Variants in HLA-E observed in about 807,000 individuals in gnomAD.
HLA-E encodes major histocompatibility complex, class I, E.
HLA-E carries 25 observed loss-of-function variants against 43.4 expected under a neutral mutation model. The ratio of observed to expected loss-of-function variants is 0.58; its 90% confidence interval spans 0.42 to 0.80. The LOEUF (loss-of-function observed/expected upper bound fraction) is 0.80. Ranked by LOEUF, HLA-E falls within the 30% of genes least tolerant of loss-of-function variation. The probability of loss-of-function intolerance (pLI) is 0.00; values close to 1 mark genes in which losing one functional copy is unlikely to be tolerated. For missense variants in HLA-E, 343 were observed against 470.0 expected, an observed-to-expected ratio of 0.73 and a Z score of 2.50; for synonymous variants, 161 against 197.6, an observed-to-expected ratio of 0.81 and a Z score of 1.55.
In HLA-E at chr6:30,491,922, T is replaced by A. The variant is rs1164590075; in HGVS notation, c.1003+269T>A. Among the ~76,000 whole-genome samples, 3 of 151,950 alleles carry A rather than the reference T, an allele frequency of 2.0e-5. No homozygotes were observed. Among genetic ancestry groups the A allele is most frequent in the African/African-American group, 7.3e-5 (3 of 41,368 alleles). On this transcript the variant is annotated intron_variant, in intron 5 of 7. Transcript: ENST00000376630. The surrounding 1 kb of genome is among the most constrained non-coding windows in gnomAD (Gnocchi z 5.4). ...AGCAATTCTCCTGCCTCAGCCTCCC[T>A]AGTAGCTGGGACTACACATGCGTGC...
rs1796670611 is a variant in HLA-E, at chr6:30,493,322, G to A, written c.*576G>A. Reference sequence around the variant, plus strand: ...AAATAAAAATTGAAAAATAAAAAAAGAACCTGGATCTCAATTTAATTTTTC... The same window carrying A: ...AAATAAAAATTGAAAAATAAAAAAAAAACCTGGATCTCAATTTAATTTTTC... On this transcript the variant is annotated 3_prime_UTR_variant, in exon 8 of 8. Coordinates refer to ENST00000376630, the MANE Select transcript of HLA-E (RefSeq NM_005516.6). The surrounding 1 kb of genome is among the most constrained non-coding windows in gnomAD (Gnocchi z 5.5). The A allele has an allele frequency of 6.6e-6, 1 of 152,120 alleles. No individual in the cohort carries two copies. Among genetic ancestry groups the A allele is most frequent in the Admixed American group, 6.5e-5 (1 of 15,278 alleles). 9.4% of individuals were successfully genotyped at this position (152,120 alleles called of 1,614,324 possible). A position where few individuals can be genotyped will look rare whatever the true frequency, so the allele number is the denominator to read the frequency against.
chr6:30,492,723 T>C lies in HLA-E; in HGVS notation c.*3-26T>C, dbSNP rs1346912578. 4.8e-6 allele frequency: 4 copies of C among 841,552 alleles called. No individual in the cohort carries two copies. Among genetic ancestry groups the C allele is most frequent in the Non-Finnish European group, 7.8e-6 (4 of 510,968 alleles). 52.1% of individuals were successfully genotyped at this position (841,552 alleles called of 1,614,324 possible). On this transcript the variant is annotated intron_variant, in intron 7 of 7. Transcript: ENST00000376630. The surrounding 1 kb of genome is among the most constrained non-coding windows in gnomAD (Gnocchi z 4.5). Reference sequence around the variant, plus strand: ...ATCACTTACCGTGACTGACCTGAATTTGTTCATGACTATTTTCTTCTGTAG... The same window carrying C: ...ATCACTTACCGTGACTGACCTGAATCTGTTCATGACTATTTTCTTCTGTAG...
In HLA-E at chr6:30,490,249, C is replaced by A. The variant is rs772528759; in HGVS notation, c.344C>A (p.Thr115Asn). ...TAAGGGGCGGGGCCAGGGTCTCACACCCTGCAGTGGATGCATGGCTGCGAG... is the reference window on the plus strand; with the variant it reads ...TAAGGGGCGGGGCCAGGGTCTCACAACCTGCAGTGGATGCATGGCTGCGAG... ...YYNQSEAGSH[T>N]LQWMHGCELG... is the part of the protein sequence containing the mutation. The change falls in exon 3 of 8, where the codon ACC becomes AAC. Residue 115 changes from threonine (T) to asparagine (N), a missense_variant. Physicochemically the swap from Thr to Asn is moderately conservative, Grantham distance 65 (BLOSUM62 0). Coordinates refer to ENST00000376630, the MANE Select transcript of HLA-E (RefSeq NM_005516.6). The surrounding 1 kb of genome is among the most constrained non-coding windows in gnomAD (Gnocchi z 6.6). 2 of 1,612,118 alleles carry A rather than the reference C, an allele frequency of 1.2e-6. No individual in the cohort carries two copies. Among genetic ancestry groups the A allele is most frequent in the African/African-American group, 2.7e-5 (2 of 74,916 alleles).
Position 30,491,353 on chromosome 6 carries a change from A to C in HLA-E, c.827A>C (p.Gln276Pro), listed in dbSNP as rs141487266. The C allele has an allele frequency of 2.7e-3, 4,411 of 1,614,186 alleles. 8 individuals are homozygous for C. The highest frequency in any genetic ancestry group is 3.6e-3 in the Non-Finnish European group (4,194 of 1,180,030). ...GTGGTGGTGCCTTCTGGAGAGGAGC[A>C]GAGATACACGTGCCATGTGCAGCAT... ...AAVVVPSGEE[Q>P]RYTCHVQHEG... The change falls in exon 4 of 8, where the codon CAG becomes CCG. Residue 276 changes from glutamine to proline, a missense_variant. Physicochemically the swap from Gln to Pro is moderately conservative, Grantham distance 76. This residue lies in a region of HLA-E where 190 missense variants were observed against 283.6 expected (regional missense o/e 0.67). Coordinates refer to ENST00000376630, the MANE Select transcript of HLA-E (RefSeq NM_005516.6). This position sits in a 1 kb window ranked among gnomAD's most constrained non-coding sequence, Gnocchi z 5.4.
Position 30,491,422 on chromosome 6 carries a change from G to A in HLA-E, c.886+10G>A, listed in dbSNP as rs1386408377. 1 of 1,613,868 alleles carries A rather than the reference G, an allele frequency of 6.2e-7. No homozygotes were observed. The highest frequency in any genetic ancestry group is 1.3e-5 in the African/African-American group (1 of 74,930). On this transcript the variant is annotated intron_variant, in intron 4 of 7. Coordinates refer to ENST00000376630, the MANE Select transcript of HLA-E (RefSeq NM_005516.6). The surrounding 1 kb of genome is among the most constrained non-coding windows in gnomAD (Gnocchi z 5.4). ...GTCACCCTGAGATGGAGTAAGGAGG[G>A]GGATGGGAGGTCATGTCTCTTCTCA... is the stretch of plus-strand genomic sequence containing the variant.
Position 30,489,866 on chromosome 6 carries a change from C to G in HLA-E, c.205C>G (p.Arg69Gly). 6.2e-7 allele frequency: 1 copy of G among 1,613,086 alleles called. No homozygotes were observed. The highest frequency in any genetic ancestry group is 8.5e-7 in the Non-Finnish European group (1 of 1,180,012). Residue 69 changes from arginine to glycine, a missense_variant, in exon 2 of 8, where the codon CGG becomes GGG. Arg to Gly is a moderately radical substitution (Grantham distance 125). Coordinates refer to ENST00000376630, the MANE Select transcript of HLA-E (RefSeq NM_005516.6). The surrounding 1 kb of genome is among the most constrained non-coding windows in gnomAD (Gnocchi z 5.6). ...CGCCGCGAGTCCGAGGATGGTGCCG[C>G]GGGCGCCGTGGATGGAGCAGGAGGG... ...NDAASPRMVPRAPWMEQEGSE... is the reference protein window; with the variant it reads ...NDAASPRMVPGAPWMEQEGSE...
At position 30,493,227 on chromosome 6, in the gene HLA-E, G is replaced by C. The variant is rs1344783113; in HGVS notation, c.*481G>C. The stretch of plus-strand genomic sequence containing the variant: ...GAGAATGGCGTCAACCCGGGAGGCG[G>C]AGGTTGCAGTGAGCCAGGATTGTGC... On this transcript the variant is annotated 3_prime_UTR_variant, in exon 8 of 8. Transcript: ENST00000376630. This position sits in a 1 kb window ranked among gnomAD's most constrained non-coding sequence, Gnocchi z 5.5. 6.6e-6 allele frequency: 1 copy of C among 152,430 alleles called. No homozygotes were observed. The highest frequency in any genetic ancestry group is 2.4e-5 in the African/African-American group (1 of 41,460). The allele number at this position is 152,430 out of a possible 1,614,324, so 9.4% of individuals were successfully genotyped here. A position where few individuals can be genotyped will look rare whatever the true frequency, so the allele number is the denominator to read the frequency against.
Position 30,489,526 on chromosome 6 carries a change from G to A in HLA-E, c.-6G>A. 1 of 1,517,410 alleles carries A rather than the reference G, an allele frequency of 6.6e-7. No individual in the cohort carries two copies. The highest frequency in any genetic ancestry group is 8.8e-7 in the Non-Finnish European group (1 of 1,133,728). The allele number at this position is 1,517,410 out of a possible 1,614,324, so 94.0% of individuals were successfully genotyped here. On this transcript the variant is annotated 5_prime_UTR_variant, in exon 1 of 8. Transcript: ENST00000376630. This position sits in a 1 kb window ranked among gnomAD's most constrained non-coding sequence, Gnocchi z 5.6. ...AAGAAGTTCTCAGGACTCAGAGGCTGGGATCATGGTAGATGGAACCCTCCT... is the reference window on the plus strand; with the variant it reads ...AAGAAGTTCTCAGGACTCAGAGGCTAGGATCATGGTAGATGGAACCCTCCT...
rs953069394 is a variant in HLA-E, at chr6:30,493,490, T to A, written c.*744T>A. 2.6e-5 allele frequency: 4 copies of A among 152,194 alleles called. No individual in the cohort carries two copies. The highest frequency in any genetic ancestry group is 9.7e-5 in the African/African-American group (4 of 41,436). 9.4% of individuals were successfully genotyped at this position (152,194 alleles called of 1,614,324 possible). On this transcript the variant is annotated 3_prime_UTR_variant, in exon 8 of 8. Transcript: ENST00000376630. This position sits in a 1 kb window ranked among gnomAD's most constrained non-coding sequence, Gnocchi z 5.5. ...CACCTGTAATCTTGACCATATACCT[T>A]GGAGTTGAATATTGTTTTCATACTG...
rs200919744 is a variant in HLA-E, at chr6:30,491,963, A to ATT, written c.1003+320_1003+321dup. ...ACATGCGTGCCACCACACCTGGCTA[A>ATT]TTTTTTTTTTTGTATTTTTAGTGGA... is the stretch of plus-strand genomic sequence containing the variant. On this transcript the variant is annotated intron_variant, in intron 5 of 7. Coordinates refer to ENST00000376630, the MANE Select transcript of HLA-E (RefSeq NM_005516.6). The surrounding 1 kb of genome is among the most constrained non-coding windows in gnomAD (Gnocchi z 5.4). 6.8e-6 allele frequency among the ~76,000 whole-genome samples: 1 copy of ATT among 147,002 alleles called. No individual in the cohort carries two copies. The highest frequency in any genetic ancestry group is 2.5e-5 in the African/African-American group (1 of 40,166).
In HLA-E at chr6:30,490,513, T is replaced by C; in HGVS notation, c.608T>C (p.Leu203Pro). Residue 203 changes from leucine (L) to proline (P), a missense_variant and splice_region_variant, in exon 3 of 8, where the codon CTG becomes CCG. Leu to Pro is a moderately conservative substitution (Grantham distance 98). This residue lies in a region of HLA-E where 190 missense variants were observed against 283.6 expected (regional missense o/e 0.67). Transcript: ENST00000376630. The surrounding 1 kb of genome is among the most constrained non-coding windows in gnomAD (Gnocchi z 6.6). ...LEKGKETLLHLEPPKTHVTHH... is the reference protein window; with the variant it reads ...LEKGKETLLHPEPPKTHVTHH... The stretch of plus-strand genomic sequence containing the variant: ...AAGGGGAAGGAGACGCTGCTTCACC[T>C]GGGTAAGAGGGTCCACAGGGCTACT... The C allele has an allele frequency of 6.2e-7, 1 of 1,612,038 alleles. No homozygotes were observed.
Position 30,490,085 on chromosome 6 carries a change from T to TCTTCG in HLA-E, c.334+91_334+92insTTCGC. The TCTTCG allele has an allele frequency of 6.6e-7, 1 of 1,510,344 alleles. No individual in the cohort carries two copies. Among genetic ancestry groups the TCTTCG allele is most frequent in the Non-Finnish European group, 9.0e-7 (1 of 1,110,014 alleles). 93.6% of individuals were successfully genotyped at this position (1,510,344 alleles called of 1,614,324 possible). A position where few individuals can be genotyped will look rare whatever the true frequency, so the allele number is the denominator to read the frequency against. On this transcript the variant is annotated intron_variant, in intron 2 of 7. Transcript: ENST00000376630. This position sits in a 1 kb window ranked among gnomAD's most constrained non-coding sequence, Gnocchi z 6.6. The stretch of plus-strand genomic sequence containing the variant: ...CCCCTCGAATCTTCGGGTCCCAGAT[T>TCTTCG]CACCCCAAGGCTGCGGAACCCGCCC...
In HLA-E at chr6:30,489,651, C is replaced by T. The variant is rs1277640110; in HGVS notation, c.64+56C>T. 8 of 1,604,330 alleles carry T rather than the reference C, an allele frequency of 5.0e-6. No homozygotes were observed. The highest frequency in any genetic ancestry group is 6.8e-6 in the Non-Finnish European group (8 of 1,175,004). On this transcript the variant is annotated intron_variant, in intron 1 of 7. Coordinates refer to ENST00000376630, the MANE Select transcript of HLA-E (RefSeq NM_005516.6). The surrounding 1 kb of genome is among the most constrained non-coding windows in gnomAD (Gnocchi z 5.6). ...CTACCGGGAGTAGAGAGGGGCCGGC[C>T]CGGCGGGGGCGAAGGACTCGGGGAG...
rs768398044 is a variant in HLA-E at position 30,489,535 on chromosome 6, G to A, written c.4G>A (p.Val2Ile). Residue 2 changes from valine (V) to isoleucine (I), a missense_variant, in exon 1 of 8, where the codon GTA becomes ATA. By Grantham distance (29) the Val-to-Ile change is conservative. Coordinates refer to ENST00000376630, the MANE Select transcript of HLA-E (RefSeq NM_005516.6). This position sits in a 1 kb window ranked among gnomAD's most constrained non-coding sequence, Gnocchi z 5.6. The part of the protein sequence containing the change: M[V>I]DGTLLLLLSE... Reference sequence around the variant, plus strand: ...TCAGGACTCAGAGGCTGGGATCATGGTAGATGGAACCCTCCTTTTACTCCT... The same window carrying A: ...TCAGGACTCAGAGGCTGGGATCATGATAGATGGAACCCTCCTTTTACTCCT... 1.3e-6 allele frequency: 2 copies of A among 1,522,524 alleles called. No homozygotes were observed. Among genetic ancestry groups the A allele is most frequent in the Admixed American group, 2.2e-5 (1 of 44,464 alleles). The allele number at this position is 1,522,524 out of a possible 1,614,324, so 94.3% of individuals were successfully genotyped here.
chr6:30,492,468 G>A lies in HLA-E; in HGVS notation c.1036+32G>A, dbSNP rs147326588. 2,649 of 1,613,602 alleles carry A rather than the reference G, an allele frequency of 1.6e-3. 17 individuals are homozygous for A. Among genetic ancestry groups the A allele is most frequent in the South Asian group, 9.3e-3 (848 of 91,056 alleles). ...GCGGGGCGGGAGCGTGGAGGAGCTC[G>A]CCCACCCTATAATTCCTCCTGCACC... On this transcript the variant is annotated intron_variant, in intron 6 of 7. Transcript: ENST00000376630. This position sits in a 1 kb window ranked among gnomAD's most constrained non-coding sequence, Gnocchi z 4.5.
At position 30,490,340 on chromosome 6, in the gene HLA-E, C is replaced by A. The variant is rs1796461056; in HGVS notation, c.435C>A (p.Leu145=). 1 of 1,613,096 alleles carries A rather than the reference C, an allele frequency of 6.2e-7. No individual in the cohort carries two copies. The highest frequency in any genetic ancestry group is 2.2e-5 in the East Asian group (1 of 44,876). Residue 145 remains leucine, a synonymous_variant, in exon 3 of 8, where the codon CTC becomes CTA. Coordinates refer to ENST00000376630, the MANE Select transcript of HLA-E (RefSeq NM_005516.6). The surrounding 1 kb of genome is among the most constrained non-coding windows in gnomAD (Gnocchi z 6.6). ...TCGCCTACGACGGCAAGGATTATCT[C>A]ACCCTGAATGAGGACCTGCGCTCCT... ...EQFAYDGKDY[L]TLNEDLRSWT... is the part of the protein sequence containing the mutation.
rs9283 is a variant in HLA-E at position 30,493,828 on chromosome 6, G to A, written c.*1082G>A. ...TGTCTAGTGGATCCAGGCCACAGGA[G>A]AGAGTGCCTTGTGGAGCGCTGGGAG... is the stretch of plus-strand genomic sequence containing the variant. On this transcript the variant is annotated 3_prime_UTR_variant, in exon 8 of 8. Transcript: ENST00000376630. This position sits in a 1 kb window ranked among gnomAD's most constrained non-coding sequence, Gnocchi z 5.5. The A allele has an allele frequency of 0.03, 4,635 of 152,456 alleles. 140 individuals are homozygous for A. The highest frequency in any genetic ancestry group is 0.072 in the African/African-American group (2,972 of 41,546). 9.4% of individuals were successfully genotyped at this position (152,456 alleles called of 1,614,324 possible).
In HLA-E at chr6:30,491,728, C is replaced by T. The variant is rs1174636918; in HGVS notation, c.1003+75C>T. The T allele has an allele frequency of 1.6e-6, 2 of 1,230,712 alleles. No homozygotes were observed. The highest frequency in any genetic ancestry group is 2.3e-6 in the Non-Finnish European group (2 of 858,866). The allele number at this position is 1,230,712 out of a possible 1,614,324, so 76.2% of individuals were successfully genotyped here. ...TTTCAAGCCCTAGGTAAAAGTGTGT[C>T]CTGCCTCGTTACTGGGAAGCACCAT... On this transcript the variant is annotated intron_variant, in intron 5 of 7. Coordinates refer to ENST00000376630, the MANE Select transcript of HLA-E (RefSeq NM_005516.6). This position sits in a 1 kb window ranked among gnomAD's most constrained non-coding sequence, Gnocchi z 5.4.
rs1796376667 is a variant in HLA-E at position 30,489,517 on chromosome 6, T to TCAGA, written c.-14_-11dup. ...TCCGGACTCAAGAAGTTCTCAGGAC[T>TCAGA]CAGAGGCTGGGATCATGGTAGATGG... On this transcript the variant is annotated 5_prime_UTR_variant, in exon 1 of 8. Transcript: ENST00000376630. This position sits in a 1 kb window ranked among gnomAD's most constrained non-coding sequence, Gnocchi z 5.6. 6.6e-7 allele frequency: 1 copy of TCAGA among 1,515,876 alleles called. No individual in the cohort carries two copies. The highest frequency in any genetic ancestry group is 2.3e-5 in the Admixed American group (1 of 43,994). 93.9% of individuals were successfully genotyped at this position (1,515,876 alleles called of 1,614,324 possible).
Sources: gnomAD v4.1 joint callset for allele counts (sites outside exome capture counted in the v4.1 genomes callset) on GRCh38, gnomAD v4.1.1 for gene constraint, gnomAD v4.1.1 regional missense constraint, Gnocchi (gnomAD v3.1) non-coding constraint, MANE v1.5 for transcripts, NCBI Gene and HGNC (gene_info 2026-07-23, HGNC 2026-07-21) for gene names.